SYT1: variants seen among roughly 807,000 people sequenced by gnomAD.
SYT1 encodes synaptotagmin 1, also known as synaptotagmin-1.
In SYT1, 8 loss-of-function variants were observed where a neutral mutation model predicts 44.8. The ratio of observed to expected loss-of-function variants is 0.18; its 90% CI spans 0.10 to 0.32. The LOEUF is 0.32. SYT1 is among the 10% of genes least tolerant of loss of function. The probability of loss-of-function intolerance (pLI) is 1.00; values close to 1 mark genes in which losing one functional copy is unlikely to be tolerated. For missense variants in SYT1, 286 were observed against 509.3 expected, an observed-to-expected ratio of 0.56 and a Z score of 4.22; for synonymous variants, 154 against 188.8, an observed-to-expected ratio of 0.82 and a Z score of 1.51.
intron 3 of SYT1, among the ~76,000 whole-genome samples, chr12:79,201,622 C>T (rs535764038): frequency 6.6e-6 from 1 of 152,214 alleles, no homozygotes; most frequent in South Asian, 2.1e-4. Context: ...TACTGCGTAT[C>T]TAAATACAAA....
intron 4 of SYT1, among the ~76,000 whole-genome samples, chr12:79,237,598 C>T (rs975887562): frequency 6.6e-6 from 1 of 152,092 alleles, no homozygotes; most frequent in Non-Finnish European, 1.5e-5. Context: ...TTGGAAGAAA[C>T]AAACAATAGG....
chr12:79,149,986 A>T (rs1870166157), intron 3 of SYT1, among the ~76,000 whole-genome samples: 1 of 152,196 alleles, frequency 6.6e-6, no homozygotes, highest in Non-Finnish European at 1.5e-5. Context: ...GTGTTTTGTT[A>T]TGTAACCCAG....
chr12:79,248,550 A>C (rs1426976360), intron 4 of SYT1, among the ~76,000 whole-genome samples: 2 of 152,228 alleles, frequency 1.3e-5, no homozygotes, highest in Non-Finnish European at 2.9e-5. Flanking sequence ...GAAAATGAAA[A>C]AGTCTTAAGT....
intron 1 of SYT1, among the ~76,000 whole-genome samples, chr12:78,969,322 G>T (rs1868321457): frequency 6.6e-6 from 1 of 152,172 alleles, no homozygotes; most frequent in African/African-American, 2.4e-5. Flanking sequence ...GACTGAATAA[G>T]ATAAAGGTAC....
rs367593737 is a variant in SYT1, at chr12:79,305,030, C to G, written c.810+5479C>G. On this transcript the variant is annotated intron_variant, in intron 8 of 10. Transcript: ENST00000261205. ...TTCTGTCACCAATTATAATTGTATT[C>G]TTATGTATAATAAATGTTATCCACT... Among the ~76,000 whole-genome samples the G allele has an allele frequency of 3.3e-5, 5 of 151,976 alleles. No homozygotes were observed. In the East Asian group the frequency reaches 7.7e-4, roughly 23 times the overall value.
At chr12:78,970,442 C>A (rs1224956112) in intron 1 of SYT1, among the ~76,000 whole-genome samples, 2 of 152,064 alleles carry the variant, frequency 1.3e-5, no homozygotes, top group African/African-American at 4.8e-5. Context: ...CATTTTACAT[C>A]CTGGACTAAC....
intron 3 of SYT1, among the ~76,000 whole-genome samples, chr12:79,174,026 G>A (rs1175195488): frequency 1.3e-5 from 2 of 152,018 alleles, no homozygotes; most frequent in African/African-American, 4.8e-5. Flanking sequence ...GGAAAATAAT[G>A]AACAGATTTA....
intron 9 of SYT1, chr12:79,419,175 A>G (rs1290971959): frequency 2.2e-6 from 1 of 453,102 alleles, no homozygotes; most frequent in Admixed American, 2.7e-5. Flanking sequence ...TAATGATTCT[A>G]TAAGAATTTT....
chr12:79,357,770 A>G (rs1883169113), intron 9 of SYT1, among the ~76,000 whole-genome samples: 2 of 152,170 alleles, frequency 1.3e-5, no homozygotes, highest in South Asian at 2.1e-4. Context: ...CGTGGAGACA[A>G]TCAAGACTTC....
chr12:79,230,116 T>C (rs945957692), intron 4 of SYT1, among the ~76,000 whole-genome samples: 1 of 152,216 alleles, frequency 6.6e-6, no homozygotes, highest in Non-Finnish European at 1.5e-5. Context: ...TACATGTAGA[T>C]GGAAACCCTT....
At chr12:79,396,005 C>T (rs944982012) in intron 9 of SYT1, among the ~76,000 whole-genome samples, 1 of 152,088 alleles carries the variant, frequency 6.6e-6, no homozygotes, top group Admixed American at 6.6e-5. Flanking sequence ...ACTCTGTATC[C>T]TAAATTAGTT....
intron 8 of SYT1, among the ~76,000 whole-genome samples, chr12:79,334,647 A>G (rs1882007488): frequency 1.3e-5 from 2 of 152,166 alleles, no homozygotes; most frequent in Admixed American, 6.5e-5. Flanking sequence ...CTGCAACCCT[A>G]TATGAATTTG....
chr12:79,117,838 T>G (rs1879387051), intron 3 of SYT1, among the ~76,000 whole-genome samples: 1 of 151,184 alleles, frequency 6.6e-6, no homozygotes, highest in Non-Finnish European at 1.5e-5. Context: ...TCATAAATAC[T>G]TTTGTATGAA....
chr12:79,054,129 G>A (rs371803208), intron 3 of SYT1, among the ~76,000 whole-genome samples: 59 of 151,994 alleles, frequency 3.9e-4, no homozygotes, highest in African/African-American at 5.6e-4. Context: ...GGTTTATAAG[G>A]TTAGCTTACT....
At chr12:78,951,426 A>G (rs545269440) in intron 1 of SYT1, among the ~76,000 whole-genome samples, 137 of 152,252 alleles carry the variant, frequency 9.0e-4, no homozygotes, top group Middle Eastern at 3.4e-3. Flanking sequence ...TTATATGGGC[A>G]AGGAATTGTT....
In SYT1 at chr12:79,409,726, C is replaced by T. The variant is rs1229818243; in HGVS notation, c.929-34347C>T. On this transcript the variant is annotated intron_variant, in intron 9 of 10. Transcript: ENST00000261205. The stretch of plus-strand genomic sequence containing the variant: ...CATAGACATTCCCTGTTGATTATCT[C>T]GGCTTGGCAGTGGGTTTCTGCTACA... Among the ~76,000 whole-genome samples the T allele has an allele frequency of 2.6e-5, 4 of 152,010 alleles. 1 individual carries two copies. The highest frequency in any genetic ancestry group is 9.7e-5 in the African/African-American group (4 of 41,390).
At chr12:79,323,983 C>T (rs1325313796) in intron 8 of SYT1, among the ~76,000 whole-genome samples, 2 of 137,962 alleles carry the variant, frequency 1.4e-5, no homozygotes, top group African/African-American at 2.7e-5. Flanking sequence ...TAGAGTCTTC[C>T]TCTGTCACCC....
At chr12:79,244,907 A>G (rs187657084) in intron 4 of SYT1, among the ~76,000 whole-genome samples, 7 of 152,176 alleles carry the variant, frequency 4.6e-5, no homozygotes, top group African/African-American at 1.4e-4. Context: ...TGAGAACTTT[A>G]AAAGTTACTC....
At chr12:79,313,510 T>C (rs756693139) in intron 8 of SYT1, among the ~76,000 whole-genome samples, 5 of 151,882 alleles carry the variant, frequency 3.3e-5, no homozygotes, top group Non-Finnish European at 7.4e-5. Context: ...TGGTCCAAAT[T>C]GTGTAGGATA....
Sources: allele counts gnomAD v4.1 joint callset (sites outside exome capture counted in the v4.1 genomes callset), GRCh38; gene constraint gnomAD v4.1.1; transcripts MANE v1.5; gene names NCBI Gene and HGNC (gene_info 2026-07-23, HGNC 2026-07-21).